ZDHHC13: variants seen among roughly 807,000 people sequenced by gnomAD.
The protein encoded by ZDHHC13 is palmitoyltransferase ZDHHC13.
Under a neutral mutation model 86.0 loss-of-function variants are expected in ZDHHC13, and 85 were observed. The observed-to-expected ratio is 0.99, with a 90% CI of 0.83 to 1.18. The LOEUF is 1.18. ZDHHC13 is among the 50% of genes most tolerant of loss of function. The pLI is 0.00. For missense variants in ZDHHC13, 711 were observed against 730.2 expected (o/e 0.97, Z 0.30); for synonymous variants, 263 against 246.4 (o/e 1.07, Z -0.63).
chr11:19,158,394 C>T (rs1554964842), intron 9 of ZDHHC13, among the ~76,000 whole-genome samples: 2 of 152,020 alleles, frequency 1.3e-5, no homozygotes, highest in Non-Finnish European at 2.9e-5. Flanking sequence ...GTTCTGAATA[C>T]TAGTATCATT....
intron 15 of ZDHHC13, among the ~76,000 whole-genome samples, chr11:19,172,311 T>C (rs1008520073): frequency 1.3e-5 from 2 of 152,096 alleles, no homozygotes; most frequent in Non-Finnish European, 2.9e-5. Flanking sequence ...GACCTCGTGA[T>C]CCACCCGCCT....
At chr11:19,149,438 T>C in intron 5 of ZDHHC13, 107 bp downstream of exon 5, 1 of 1,149,366 alleles carries the variant, frequency 8.7e-7, no homozygotes, top group Non-Finnish European at 1.2e-6. Flanking sequence ...TTAATGGATA[T>C]CCAGATATTC....
At chr11:19,126,372 T>C (rs1473846849) in intron 1 of ZDHHC13, among the ~76,000 whole-genome samples, 2 of 150,506 alleles carry the variant, frequency 1.3e-5, no homozygotes, top group Non-Finnish European at 3.0e-5. Flanking sequence ...AGTCTTGCTC[T>C]GTCACCCAAG....
chr11:19,166,070 T>G (rs1439952348), intron 13 of ZDHHC13, among the ~76,000 whole-genome samples: 1 of 152,192 alleles, frequency 6.6e-6, no homozygotes, highest in Non-Finnish European at 1.5e-5. Context: ...TCCAAAAAAG[T>G]ATCTTCTTTT....
chr11:19,156,995 A>AT (rs1157237795), intron 9 of ZDHHC13, among the ~76,000 whole-genome samples: 1 of 151,994 alleles, frequency 6.6e-6, no homozygotes, highest in Non-Finnish European at 1.5e-5. Flanking sequence ...CCTTCTCCTC[A>AT]TTGCACTGTA....
chr11:19,126,342 C>CTTTT (rs10629803), intron 1 of ZDHHC13, among the ~76,000 whole-genome samples: 5 of 135,568 alleles, frequency 3.7e-5, no homozygotes, highest in Admixed American at 1.5e-4. Flanking sequence ...TTTTCTTTTT[C>CTTTT]TTTTTTTTTT....
chr11:19,158,505 T>C (rs1318632682), intron 9 of ZDHHC13, among the ~76,000 whole-genome samples: 1 of 152,146 alleles, frequency 6.6e-6, no homozygotes, highest in African/African-American at 2.4e-5. Flanking sequence ...TTAACAAATA[T>C]CATTTTAGTC....
At chr11:19,156,063 GT>G in intron 9 of ZDHHC13, 134 bp downstream of exon 9, 5 of 1,122,336 alleles carry the variant, frequency 4.5e-6, no homozygotes, top group Non-Finnish European at 6.0e-6. Flanking sequence ...CATCCTGCGG[GT>G]GGATGGGAGG....
chr11:19,163,277 G>T, intron 10 of ZDHHC13, 26 bp from the exon 11 acceptor site: 1 of 1,560,156 alleles, frequency 6.4e-7, no homozygotes, highest in South Asian at 1.2e-5. Context: ...AAGGAAGTTT[G>T]GTGTATTCCT....
Position 19,176,037 on chromosome 11 carries a change from G to T in ZDHHC13, c.*77G>T. ...CCCTGTAGTTTGAAAGTGAAGTAAA[G>T]ATTTAGAATTCACCTAAGTCCAAAG... On this transcript the variant is annotated 3_prime_UTR_variant, in exon 17 of 17. Coordinates refer to ENST00000446113, the MANE Select transcript of ZDHHC13 (RefSeq NM_019028.3). 6.8e-7 allele frequency: 1 copy of T among 1,475,802 alleles called. No homozygotes were observed. The highest frequency in any genetic ancestry group is 9.0e-7 in the Non-Finnish European group (1 of 1,108,330). The allele number at this position is 1,475,802 out of a possible 1,614,324, so 91.4% of individuals were successfully genotyped here.
At chr11:19,170,000 G>T in intron 14 of ZDHHC13, 1 of 1,004,672 alleles carries the variant, frequency 1.0e-6, no homozygotes, top group Non-Finnish European at 1.2e-6. Flanking sequence ...CACAGCAATG[G>T]CCTGTTCATC....
chr11:19,155,231 A>C (rs1849723120), intron 8 of ZDHHC13, among the ~76,000 whole-genome samples: 1 of 152,196 alleles, frequency 6.6e-6, no homozygotes, highest in Non-Finnish European at 1.5e-5. Flanking sequence ...GCTCTCATTA[A>C]CAGTTTTCTA....
Position 19,165,047 on chromosome 11 carries a change from C to G in ZDHHC13, c.1297-5C>G, listed in dbSNP as rs1387632001. 6.2e-7 allele frequency: 1 copy of G among 1,611,366 alleles called. No individual in the cohort carries two copies. The highest frequency in any genetic ancestry group is 8.5e-7 in the Non-Finnish European group (1 of 1,178,684). On this transcript the variant is annotated splice_region_variant and splice_polypyrimidine_tract_variant and intron_variant, in intron 12 of 16. Transcript: ENST00000446113. Reference sequence around the variant, plus strand: ...TGCTTAGGCCTCTCTTAATTGCCCACTTAGATAAGGAAGCCATTAAGGTCA... The same window carrying G: ...TGCTTAGGCCTCTCTTAATTGCCCAGTTAGATAAGGAAGCCATTAAGGTCA...
chr11:19,141,542 G>A (rs780550537), intron 1 of ZDHHC13, among the ~76,000 whole-genome samples: 3 of 152,040 alleles, frequency 2.0e-5, no homozygotes, highest in Admixed American at 6.6e-5. Flanking sequence ...TGTCAAAATT[G>A]CTCATCTTAA....
At chr11:19,142,592 C>G (rs891959432) in intron 1 of ZDHHC13, among the ~76,000 whole-genome samples, 3 of 152,196 alleles carry the variant, frequency 2.0e-5, no homozygotes, top group Non-Finnish European at 2.9e-5. Context: ...CCTCTGCCCA[C>G]TACAAGTAAC....
intron 1 of ZDHHC13, among the ~76,000 whole-genome samples, chr11:19,137,425 G>T (rs930231729): frequency 6.6e-5 from 10 of 151,948 alleles, no homozygotes; most frequent in Non-Finnish European, 1.3e-4. Context: ...AGCAAGTCCT[G>T]AGCGACCTAC....
chr11:19,160,386 A>G (rs911257619), intron 10 of ZDHHC13, among the ~76,000 whole-genome samples: 2 of 151,870 alleles, frequency 1.3e-5, no homozygotes, highest in East Asian at 3.8e-4. Context: ...TGATATTATT[A>G]TTATGATAGA....
chr11:19,124,259 ATTC>A (rs1243300433), intron 1 of ZDHHC13, among the ~76,000 whole-genome samples: 6 of 152,322 alleles, frequency 3.9e-5, no homozygotes, highest in African/African-American at 1.4e-4. Flanking sequence ...ATGTGATACT[ATTC>A]TTTGTTCAAT....
rs1418330613 is a variant in ZDHHC13 at position 19,152,337 on chromosome 11, A to G, written c.747+17A>G. ...AATGTTAAGGTATGGCCAGATATTT[A>G]TCTCCCTTAGTTTATTATATCTTGA... is the stretch of plus-strand genomic sequence containing the variant. On this transcript the variant is annotated intron_variant, in intron 7 of 16. Coordinates refer to ENST00000446113, the MANE Select transcript of ZDHHC13 (RefSeq NM_019028.3). 3 of 1,610,908 alleles carry G rather than the reference A, an allele frequency of 1.9e-6. No individual in the cohort carries two copies. The highest frequency in any genetic ancestry group is 2.5e-6 in the Non-Finnish European group (3 of 1,178,508).
Sources: gnomAD v4.1 joint callset for allele counts (sites outside exome capture counted in the v4.1 genomes callset) on GRCh38, gnomAD v4.1.1 for gene constraint, MANE v1.5 for transcripts, NCBI Gene and HGNC (gene_info 2026-07-23, HGNC 2026-07-21) for gene names.